The following WWOX variants were observed in gnomAD, a reference collection of about 807,000 sequenced individuals.
WWOX encodes the protein WW domain containing oxidoreductase, also known as WW domain-containing oxidoreductase.
In WWOX, 69 loss-of-function variants were observed where a neutral mutation model predicts 46.2. That is an observed-to-expected ratio of 1.49 (90% CI 1.23 to 1.82). WWOX has a LOEUF of 1.82. Among genes scored for constraint, WWOX ranks in the 40% most tolerant of loss-of-function variants. The probability of loss-of-function intolerance (pLI) is 0.00; values close to 1 mark genes in which losing one functional copy is unlikely to be tolerated. For synonymous variants in WWOX, 359 were observed against 202.6 expected (o/e 1.77, Z -6.56); for missense variants, 919 against 542.6 (o/e 1.69, Z -6.89).
chr16:78,730,266 T>G (rs2048937518), intron 8 of WWOX, among the ~76,000 whole-genome samples: 1 of 152,104 alleles, frequency 6.6e-6, no homozygotes, highest in Admixed American at 6.6e-5. Flanking sequence ...AGTACCTCAA[T>G]TTTACTGTCC....
chr16:78,316,273 C>T (rs2151879710), intron 5 of WWOX, among the ~76,000 whole-genome samples: 1 of 152,252 alleles, frequency 6.6e-6, no homozygotes, highest in South Asian at 2.1e-4. Context: ...ACAGCATCCA[C>T]ATGTGTGCAC....
intron 8 of WWOX, among the ~76,000 whole-genome samples, chr16:78,804,269 C>T (rs73575673): frequency 6.6e-6 from 1 of 152,152 alleles, no homozygotes; most frequent in Non-Finnish European, 1.5e-5. Flanking sequence ...CTGACACTGC[C>T]TGAGCCGGCT....
At chr16:78,120,431 G>A (rs903502487) in intron 4 of WWOX, among the ~76,000 whole-genome samples, 2 of 152,038 alleles carry the variant, frequency 1.3e-5, no homozygotes, top group African/African-American at 2.4e-5. Flanking sequence ...TTAGCCAGGC[G>A]CAGTGGCGGG....
At chr16:79,053,118 A>G (rs563759241) in intron 8 of WWOX, among the ~76,000 whole-genome samples, 4 of 152,154 alleles carry the variant, frequency 2.6e-5, no homozygotes, top group African/African-American at 2.4e-5. Context: ...GTTCTTCACA[A>G]TATTAGAGGT....
At chr16:78,729,331 G>C (rs891809478) in intron 8 of WWOX, among the ~76,000 whole-genome samples, 1 of 149,830 alleles carries the variant, frequency 6.7e-6, no homozygotes, top group Non-Finnish European at 1.5e-5. Flanking sequence ...AGCAGAGCAA[G>C]ACCCTGCCTC....
chr16:78,377,835 C>G (rs183966692), intron 5 of WWOX, among the ~76,000 whole-genome samples: 1 of 152,184 alleles, frequency 6.6e-6, no homozygotes, highest in Non-Finnish European at 1.5e-5. Context: ...TTATCTGGTG[C>G]AATTTCTCCT....
rs182972830 is a variant in WWOX, at chr16:79,003,489, C to T, written c.1057-208119C>T. Among the ~76,000 whole-genome samples the T allele has an allele frequency of 4.9e-4, 75 of 152,314 alleles. 1 individual carries two copies. In the East Asian group the frequency reaches 0.013, roughly 27 times the overall value. On this transcript the variant is annotated intron_variant, in intron 8 of 8. Transcript: ENST00000566780. Reference sequence around the variant, plus strand: ...AAACGACAACAGTTTTATTACATCTCATGATTTTCTGGGTCAGGACTCTGG... The same window carrying T: ...AAACGACAACAGTTTTATTACATCTTATGATTTTCTGGGTCAGGACTCTGG...
chr16:78,689,178 C>T lies in WWOX; in HGVS notation c.1056+256426C>T, dbSNP rs879896847. On this transcript the variant is annotated intron_variant, in intron 8 of 8. Transcript: ENST00000566780. ...CCACCCTCTACTTCCACCCCACCAA[C>T]AAAGAATGATTCAGCCCAAAATGGC... Among the ~76,000 whole-genome samples the T allele has an allele frequency of 2.9e-4, 44 of 152,300 alleles. 1 individual carries two copies. The highest frequency in any genetic ancestry group is 7.2e-4 in the Admixed American group (11 of 15,296).
chr16:78,183,511 T>G (rs1597322300), intron 5 of WWOX, among the ~76,000 whole-genome samples: 1 of 152,308 alleles, frequency 6.6e-6, no homozygotes, highest in African/African-American at 2.4e-5. Context: ...GTGTTGTGGA[T>G]CTCAGACAAG....
At chr16:78,589,525 C>T (rs1030143576) in intron 8 of WWOX, among the ~76,000 whole-genome samples, 2 of 152,146 alleles carry the variant, frequency 1.3e-5, no homozygotes, top group Non-Finnish European at 2.9e-5. Context: ...ACTCAAGAGT[C>T]CACCTTGGCA....
At chr16:78,392,808 C>A (rs1027188795) in intron 6 of WWOX, among the ~76,000 whole-genome samples, 2 of 152,130 alleles carry the variant, frequency 1.3e-5, no homozygotes, top group African/African-American at 4.8e-5. Context: ...CAGTTTTCTT[C>A]AGGCCCAGCA....
intron 5 of WWOX, among the ~76,000 whole-genome samples, chr16:78,346,563 A>G (rs565088677): frequency 1.7e-5 from 2 of 119,656 alleles, no homozygotes; most frequent in East Asian, 3.9e-4. Flanking sequence ...ATAATACTTG[A>G]TATTATTGGT....
At chr16:78,901,130 T>A (rs80067790) in intron 8 of WWOX, among the ~76,000 whole-genome samples, 2,251 of 152,308 alleles carry the variant, frequency 0.015, 44 homozygotes, top group African/African-American at 0.051. Context: ...AAGCTGGGAT[T>A]CAGAGTCCAT....
At chr16:78,352,873 CT>C (rs1444007232) in intron 5 of WWOX, among the ~76,000 whole-genome samples, 3 of 152,064 alleles carry the variant, frequency 2.0e-5, no homozygotes, top group African/African-American at 7.2e-5. Flanking sequence ...TGAATATTGG[CT>C]GTACAAAGAA....
chr16:78,802,989 A>T (rs1304845906), intron 8 of WWOX, among the ~76,000 whole-genome samples: 1 of 147,758 alleles, frequency 6.8e-6, no homozygotes, highest in Non-Finnish European at 1.5e-5. Flanking sequence ...AGATGAAATG[A>T]TTTTCATCAC....
intron 5 of WWOX, among the ~76,000 whole-genome samples, chr16:78,249,340 G>A (rs2037917072): frequency 6.6e-6 from 1 of 152,126 alleles, no homozygotes; most frequent in African/African-American, 2.4e-5. Flanking sequence ...TTCCTCCAGG[G>A]ACTCCTGCAC....
intron 4 of WWOX, among the ~76,000 whole-genome samples, chr16:78,131,376 T>G (rs2151696687): frequency 6.6e-6 from 1 of 151,904 alleles, no homozygotes; most frequent in Non-Finnish European, 1.5e-5. Context: ...CATTCCTGGC[T>G]AATTTCTTTT....
At chr16:78,449,531 T>G (rs1278602123) in intron 8 of WWOX, among the ~76,000 whole-genome samples, 1 of 152,224 alleles carries the variant, frequency 6.6e-6, no homozygotes, top group African/African-American at 2.4e-5. Flanking sequence ...TGATTTTTCT[T>G]GACCTGCCTG....
intron 8 of WWOX, among the ~76,000 whole-genome samples, chr16:78,822,138 A>G (rs868278002): frequency 6.6e-6 from 1 of 152,076 alleles, no homozygotes; most frequent in Non-Finnish European, 1.5e-5. Flanking sequence ...GGCCTCCCAA[A>G]GTGCTGGGAT....
Sources: gnomAD v4.1 joint callset for allele counts (sites outside exome capture counted in the v4.1 genomes callset) on GRCh38, gnomAD v4.1.1 for gene constraint, MANE v1.5 for transcripts, NCBI Gene and HGNC (gene_info 2026-07-23, HGNC 2026-07-21) for gene names.